Variants in CENPE observed in about 807,000 individuals in gnomAD.
The protein encoded by CENPE is centromere-associated protein E.
A neutral mutation model predicts 336.1 loss-of-function variants in CENPE; 145 were observed. The observed-to-expected ratio is 0.43, with a 90% confidence interval of 0.38 to 0.50. The LOEUF (loss-of-function observed/expected upper bound fraction) is 0.50. Ranked by LOEUF, CENPE falls within the 20% of genes least tolerant of loss-of-function variation. The pLI is 0.00. For synonymous variants in CENPE, 1,013 were observed against 984.8 expected, an observed-to-expected ratio of 1.03 and a Z score of -0.54; for missense variants, 2,719 against 3,023.3, an observed-to-expected ratio of 0.90 and a Z score of 2.36.
intron 8 of CENPE, among the ~76,000 whole-genome samples, chr4:103,186,192 G>C (rs1239103797): frequency 6.6e-6 from 1 of 152,100 alleles, no homozygotes; most frequent in African/African-American, 2.4e-5. Flanking sequence ...ACCTCTAGCT[G>C]AACTACTCAC....
chr4:103,192,313 A>C (rs1311530956), intron 8 of CENPE, among the ~76,000 whole-genome samples: 1 of 152,234 alleles, frequency 6.6e-6, no homozygotes, highest in Non-Finnish European at 1.5e-5. Flanking sequence ...GATGAGAACA[A>C]GCATTCATAT....
intron 25 of CENPE, 116 bp downstream of exon 25, chr4:103,152,931 A>T: frequency 1.3e-6 from 1 of 754,460 alleles, no homozygotes; most frequent in South Asian, 2.0e-5. Context: ...TCGTCAGACC[A>T]TACACTTCCA....
Position 103,122,943 on chromosome 4 carries a change from G to A in CENPE, c.7071C>T (p.Ala2357=). The stretch of plus-strand genomic sequence containing the variant: ...TGTCTTGTGTGGTAGGATTAACCTG[G>A]GCACCAGATGCCAAGGAAGTCTTCA... ...QTLKTSLASG[A]QVNPTTQDNK... The change falls in exon 43 of 49, where the codon GCC becomes GCT. Residue 2357 remains alanine (A), a synonymous_variant. Coordinates refer to ENST00000265148, the MANE Select transcript of CENPE (RefSeq NM_001813.3). The A allele has an allele frequency of 1.2e-6, 2 of 1,613,862 alleles. No individual in the cohort carries two copies. Among genetic ancestry groups the A allele is most frequent in the Non-Finnish European group, 1.7e-6 (2 of 1,179,848 alleles).
chr4:103,139,633 C>T (rs566950631), intron 38 of CENPE, among the ~76,000 whole-genome samples, 156 bp downstream of exon 38: 7 of 152,222 alleles, frequency 4.6e-5, no homozygotes, highest in Non-Finnish European at 1.0e-4. Context: ...TCTTTTAAAA[C>T]TGTTTTCTAT....
intron 44 of CENPE, 26 bp downstream of exon 44, chr4:103,120,122 A>T: frequency 6.6e-7 from 1 of 1,516,504 alleles, no homozygotes; most frequent in Non-Finnish European, 9.0e-7. Context: ...ACAAACAAAC[A>T]ACTTTTATTT....
At position 103,140,298 on chromosome 4, in the gene CENPE, A is replaced by C; in HGVS notation, c.5871T>G (p.Ile1957Met). ...ISEKTIQISDIQKDLDKSKDE... is the reference protein window; with the variant it reads ...ISEKTIQISDMQKDLDKSKDE... ...CTTTTGATTTATCTAAATCCTTTTGAATGTCTGAAATTTGAATTGTCTTTT... is the reference window on the plus strand; with the variant it reads ...CTTTTGATTTATCTAAATCCTTTTGCATGTCTGAAATTTGAATTGTCTTTT... The change falls in exon 37 of 49, where the codon ATT becomes ATG. Residue 1957 changes from isoleucine (I) to methionine (M), a missense_variant. This residue lies in a region of CENPE where 2,437 missense variants were observed against 2,513.3 expected (regional missense o/e 0.97). Transcript: ENST00000265148. 6.2e-7 allele frequency: 1 copy of C among 1,604,506 alleles called. No individual in the cohort carries two copies. Among genetic ancestry groups the C allele is most frequent in the Non-Finnish European group, 8.5e-7 (1 of 1,174,878 alleles).
intron 9 of CENPE, among the ~76,000 whole-genome samples, chr4:103,184,458 A>T (rs546291505): frequency 6.6e-6 from 1 of 152,346 alleles, no homozygotes; most frequent in Non-Finnish European, 1.5e-5. Flanking sequence ...TTCCCACTGT[A>T]AGTTGACTTC....
intron 24 of CENPE, among the ~76,000 whole-genome samples, chr4:103,155,988 A>G (rs1318432360): frequency 6.6e-6 from 1 of 152,192 alleles, no homozygotes; most frequent in Non-Finnish European, 1.5e-5. Context: ...AGACAATTTT[A>G]TGTATAATAG....
intron 8 of CENPE, among the ~76,000 whole-genome samples, chr4:103,191,660 A>AGG: frequency 1.4e-5 from 1 of 72,542 alleles, no homozygotes; most frequent in African/African-American, 5.3e-5. Flanking sequence ...GGGTGGGGGG[A>AGG]GGGGGGGATA....
rs1201302442 is a variant in CENPE, at chr4:103,191,278, C to G, written c.693+2951G>C. Among the ~76,000 whole-genome samples, 3 of 152,110 alleles carry G rather than the reference C, an allele frequency of 2.0e-5. No homozygotes were observed. The East Asian group carries it at 5.8e-4, about 29-fold the overall frequency. On this transcript the variant is annotated intron_variant, in intron 8 of 48. Transcript: ENST00000265148. Reference sequence around the variant, plus strand: ...TCTAGAACTAGAAATACCATTTGACCCAGCCATCCCATTACTGGGTATATA... The same window carrying G: ...TCTAGAACTAGAAATACCATTTGACGCAGCCATCCCATTACTGGGTATATA...
At chr4:103,152,120 T>A (rs1316056913) in intron 25 of CENPE, among the ~76,000 whole-genome samples, 1 of 149,658 alleles carries the variant, frequency 6.7e-6, no homozygotes, top group African/African-American at 2.4e-5. Context: ...AAAATAAAAT[T>A]TAAAAATTAT....
chr4:103,112,632 A>G (rs1235556774), intron 46 of CENPE, among the ~76,000 whole-genome samples: 1 of 131,078 alleles, frequency 7.6e-6, no homozygotes, highest in East Asian at 2.1e-4. Flanking sequence ...TTGTAAGTAT[A>G]TATAAGTGGA....
rs574714296 is a variant in CENPE, at chr4:103,164,980, T to A, written c.1648-1427A>T. On this transcript the variant is annotated intron_variant, in intron 16 of 48. Coordinates refer to ENST00000265148, the MANE Select transcript of CENPE (RefSeq NM_001813.3). ...GCATTCAGGGTAGTATGGCCATAGA[T>A]AATGAAAACATTTAAAGAATACTAA... 1.1e-3 allele frequency among the ~76,000 whole-genome samples: 163 copies of A among 152,312 alleles called. 4 individuals are homozygous for A. The South Asian group carries it at 0.033, about 31-fold the overall frequency.
At chr4:103,148,728 A>G (rs1753277416) in intron 28 of CENPE, 116 bp downstream of exon 28, 1 of 957,512 alleles carries the variant, frequency 1.0e-6, no homozygotes. Context: ...ACACTCGACA[A>G]ATACTTACCC....
At chr4:103,147,222 A>C (rs1268919830) in intron 29 of CENPE, 134 bp downstream of exon 29, 1 of 697,216 alleles carries the variant, frequency 1.4e-6, no homozygotes, top group East Asian at 2.7e-5. Context: ...TTCTGTTTCT[A>C]GTCATTTCAT....
chr4:103,198,187 A>C (rs1443141059), intron 1 of CENPE, 77 bp downstream of exon 1: 1 of 1,409,448 alleles, frequency 7.1e-7, no homozygotes, highest in African/African-American at 1.4e-5. Flanking sequence ...TCCTGGAAAC[A>C]TCGTAGGCCT....
chr4:103,138,609 TAGTATC>T (rs1458420163), intron 38 of CENPE, among the ~76,000 whole-genome samples, 160 bp from the exon 39 acceptor site: 2 of 152,236 alleles, frequency 1.3e-5, no homozygotes, highest in African/African-American at 2.4e-5. Context: ...AAATGAATAA[TAGTATC>T]AGTAAGTTTT....
chr4:103,160,912 C>T, intron 20 of CENPE, 133 bp from the exon 21 acceptor site: 1 of 968,952 alleles, frequency 1.0e-6, no homozygotes, highest in East Asian at 2.6e-5. Context: ...TGATTTGAAA[C>T]CCATGGAAAT....
chr4:103,150,438 T>C (rs192389598), intron 26 of CENPE, among the ~76,000 whole-genome samples: 14 of 151,956 alleles, frequency 9.2e-5, no homozygotes, highest in Admixed American at 4.6e-4. Flanking sequence ...AACAATTAGC[T>C]GGGTGTTGTG....
Sources: gnomAD v4.1 joint callset for allele counts (sites outside exome capture counted in the v4.1 genomes callset) on GRCh38, gnomAD v4.1.1 for gene constraint, gnomAD v4.1.1 regional missense constraint, MANE v1.5 for transcripts, NCBI Gene and HGNC (gene_info 2026-07-23, HGNC 2026-07-21) for gene names.